ZNF37A: variants seen among roughly 807,000 people sequenced by gnomAD.
ZNF37A encodes the protein zinc finger protein 37a (KOX 21).
Under a neutral mutation model 12.3 loss-of-function variants are expected in ZNF37A, and 10 were observed. The observed-to-expected ratio is 0.82, with a 90% CI of 0.50 to 1.38. The LOEUF (loss-of-function observed/expected upper bound fraction) is 1.38. Among genes scored for constraint, ZNF37A ranks in the 40% most tolerant of loss-of-function variants. The probability of loss-of-function intolerance (pLI) is 0.00; values close to 1 mark genes in which losing one functional copy is unlikely to be tolerated. For synonymous variants in ZNF37A, 207 were observed against 223.0 expected, an observed-to-expected ratio of 0.93 and a Z score of 0.64; for missense variants, 580 against 651.2, an observed-to-expected ratio of 0.89 and a Z score of 1.19.
At chr10:38,100,460 C>G (rs1264736085) in intron 5 of ZNF37A, among the ~76,000 whole-genome samples, 1 of 152,176 alleles carries the variant, frequency 6.6e-6, no homozygotes, top group Non-Finnish European at 1.5e-5. Context: ...GGGGGGCTGT[C>G]TATAGGCCTA....
intron 5 of ZNF37A, among the ~76,000 whole-genome samples, chr10:38,101,096 A>G (rs1331570320): frequency 1.3e-5 from 2 of 152,216 alleles, no homozygotes; most frequent in East Asian, 1.9e-4. Flanking sequence ...TATCAGATAC[A>G]TGAATTGCAA....
In ZNF37A at chr10:38,131,549, A is replaced by G. The variant is rs569519548; in HGVS notation, c.239-15183A>G. On this transcript the variant is annotated intron_variant, in intron 7 of 7. Coordinates refer to the ZNF37A transcript ENST00000638053. ...TCCATTGCATTGATTTATTAGTACC[A>G]CAGTGTTTTAATTATTGTAGCTTTG... Among the ~76,000 whole-genome samples the G allele has an allele frequency of 3.3e-5, 5 of 152,310 alleles. No homozygotes were observed. The East Asian group carries it at 9.6e-4, about 29-fold the overall frequency.
At chr10:38,099,988 A>C (rs1360767911) in intron 5 of ZNF37A, among the ~76,000 whole-genome samples, 1 of 152,184 alleles carries the variant, frequency 6.6e-6, no homozygotes, top group African/African-American at 2.4e-5. Flanking sequence ...TTCCCTAAGC[A>C]TCGGCCAGTT....
intron 7 of ZNF37A, 67 bp from the exon 8 acceptor site, chr10:38,117,323 A>G: frequency 2.0e-6 from 3 of 1,521,790 alleles, no homozygotes; most frequent in Non-Finnish European, 8.8e-7. Flanking sequence ...GCCTTCAAAT[A>G]TAATGCTAAG....
intron 7 of ZNF37A, among the ~76,000 whole-genome samples, chr10:38,131,940 C>T (rs1032106088): frequency 1.3e-5 from 2 of 152,040 alleles, no homozygotes; most frequent in African/African-American, 4.8e-5. Flanking sequence ...GATTTTTCGT[C>T]AATGGTATAG....
chr10:38,122,161 C>T lies in ZNF37A; in HGVS notation c.*3324C>T, dbSNP rs1182712813. The T allele has an allele frequency of 6.6e-6, 1 of 152,016 alleles. No individual in the cohort carries two copies. The highest frequency in any genetic ancestry group is 1.5e-5 in the Non-Finnish European group (1 of 68,142). 9.4% of individuals were successfully genotyped at this position (152,016 alleles called of 1,614,324 possible). A position where few individuals can be genotyped will look rare whatever the true frequency, so the allele number is the denominator to read the frequency against. On this transcript the variant is annotated 3_prime_UTR_variant, in exon 8 of 8. Coordinates refer to ENST00000685332, the MANE Select transcript of ZNF37A (RefSeq NM_001324250.3). ...AGAGACGTGGGAGGATCGCTTGAGCCTGGGAGATTGAGGCTGCACTGAGCT... is the reference window on the plus strand; with the variant it reads ...AGAGACGTGGGAGGATCGCTTGAGCTTGGGAGATTGAGGCTGCACTGAGCT...
At chr10:38,149,904 T>G (rs1359332239) in exon 8 of ZNF37A, 2 of 152,226 alleles carry the variant, frequency 1.3e-5, no homozygotes, top group Non-Finnish European at 2.9e-5. Context: ...GTGAACTATT[T>G]GCTCTTCTGC....
chr10:38,108,762 C>G (rs1477718047), intron 5 of ZNF37A, among the ~76,000 whole-genome samples: 1 of 151,982 alleles, frequency 6.6e-6, no homozygotes, highest in Non-Finnish European at 1.5e-5. Flanking sequence ...TGGACACTTA[C>G]ACCCTCTCAA....
At chr10:38,109,365 C>G (rs2068432297) in intron 5 of ZNF37A, among the ~76,000 whole-genome samples, 1 of 152,132 alleles carries the variant, frequency 6.6e-6, no homozygotes, top group Admixed American at 6.5e-5. Flanking sequence ...CTATTTATGA[C>G]AAACCCACAG....
intron 4 of ZNF37A, 56 bp from the exon 5 acceptor site, chr10:38,096,518 C>G (rs1405985078): frequency 3.8e-5 from 49 of 1,293,374 alleles, no homozygotes; most frequent in Admixed American, 1.0e-4. Context: ...TTGCCGGCTG[C>G]GAAGTGGACC....
At chr10:38,114,655 A>G in intron 5 of ZNF37A, 100 bp from the exon 6 acceptor site, 2 of 1,498,502 alleles carry the variant, frequency 1.3e-6, no homozygotes, top group Non-Finnish European at 1.9e-6. Flanking sequence ...TTTCTATTTA[A>G]TTTTCAACAA....
At chr10:38,094,803 C>G (rs74674080) in intron 1 of ZNF37A, 128 bp from the exon 2 acceptor site, 6,448 of 152,362 alleles carry the variant, frequency 0.042, 192 homozygotes, top group Non-Finnish European at 0.06. Context: ...GGCGTCGCCG[C>G]GGTGTCACTG....
intron 5 of ZNF37A, 45 bp downstream of exon 5, chr10:38,096,677 G>T (rs2067178523): frequency 1.9e-6 from 3 of 1,593,184 alleles, no homozygotes; most frequent in Non-Finnish European, 2.6e-6. Context: ...AGTAATTATT[G>T]AGGTTTAAAA....
chr10:38,101,164 C>G (rs2067536479), intron 5 of ZNF37A, among the ~76,000 whole-genome samples: 1 of 152,108 alleles, frequency 6.6e-6, no homozygotes, highest in Admixed American at 6.6e-5. Flanking sequence ...CCCTTTGATG[C>G]AAAATTTTTA....
rs748344895 is a variant in ZNF37A, at chr10:38,115,253, G to C, written c.201G>C (p.Trp67Cys). 2.5e-6 allele frequency: 4 copies of C among 1,613,736 alleles called. No individual in the cohort carries two copies. Among genetic ancestry groups the C allele is most frequent in the African/African-American group, 1.3e-5 (1 of 74,886 alleles). ...ILKLEKGEEPWILEEKFPSQS... is the reference protein window; with the variant it reads ...ILKLEKGEEPCILEEKFPSQS... ...AGTTGGAGAAAGGCGAGGAGCCATG[G>C]ATATTAGAGGAAAAATTTCCAAGCC... The change falls in exon 7 of 8, where the codon TGG (tryptophan) becomes TGC (cysteine). Residue 67 changes from tryptophan to cysteine, a missense_variant. Coordinates refer to ENST00000685332, the MANE Select transcript of ZNF37A (RefSeq NM_001324250.3).
chr10:38,129,174 C>T (rs2069974049), downstream of ZNF37A, among the ~76,000 whole-genome samples: 1 of 151,482 alleles, frequency 6.6e-6, no homozygotes, highest in South Asian at 2.1e-4. Context: ...TTGCATTGTT[C>T]AATTTTCTAG....
At chr10:38,139,704 G>A (rs190649631) in intron 7 of ZNF37A, 2 of 152,186 alleles carry the variant, frequency 1.3e-5, no homozygotes, top group East Asian at 3.9e-4. Flanking sequence ...GTCAGTATGA[G>A]TTTTTAAATG....
At chr10:38,134,241 T>C (rs959415190) in intron 7 of ZNF37A, among the ~76,000 whole-genome samples, 1 of 152,194 alleles carries the variant, frequency 6.6e-6, no homozygotes, top group African/African-American at 2.4e-5. Context: ...CATCCTCCTT[T>C]AGCTCAGAGA....
Position 38,148,988 on chromosome 10 carries a change from C to T in ZNF37A, c.*2168C>T, listed in dbSNP as rs11594757. ...CAGTAGCTGGGATTACAGGCACTTA[C>T]CACCACAACTGGCTAATTTTTGTAC... On this transcript the variant is annotated 3_prime_UTR_variant, in exon 8 of 8. Transcript: ENST00000638053. 1,435 of 152,232 alleles carry T rather than the reference C, an allele frequency of 9.4e-3. 10 individuals carry two copies. Among genetic ancestry groups the T allele is most frequent in the Middle Eastern group, 0.034 (10 of 294 alleles). The allele number at this position is 152,232 out of a possible 1,614,324, so 9.4% of individuals were successfully genotyped here. A position where few individuals can be genotyped will look rare whatever the true frequency, so the allele number is the denominator to read the frequency against.
Sources: allele counts gnomAD v4.1 joint callset (sites outside exome capture counted in the v4.1 genomes callset), GRCh38; gene constraint gnomAD v4.1.1; transcripts MANE v1.5; gene names NCBI Gene and HGNC (gene_info 2026-07-23, HGNC 2026-07-21).